Variants in RUFY1 observed in about 807,000 individuals in gnomAD.
RUFY1 encodes RUN and FYVE domain-containing protein 1.
A neutral mutation model predicts 94.6 loss-of-function variants in RUFY1; 54 were observed. The observed-to-expected ratio is 0.57, with a 90% CI of 0.46 to 0.72. The LOEUF (loss-of-function observed/expected upper bound fraction) is 0.72. RUFY1 is among the 30% of genes least tolerant of loss of function. The pLI, the probability that RUFY1 is intolerant of heterozygous loss-of-function variation, is 0.00. For missense variants in RUFY1, 883 were observed against 883.9 expected (o/e 1.00, Z 0.01); for synonymous variants, 396 against 347.3 (o/e 1.14, Z -1.56).
intron 14 of RUFY1, among the ~76,000 whole-genome samples, 188 bp from the exon 15 acceptor site, chr5:179,601,704 A>C (rs1438341415): frequency 6.6e-6 from 1 of 150,422 alleles, no homozygotes; most frequent in Non-Finnish European, 1.5e-5. Context: ...CTGTAGTCCC[A>C]GCTACTTGGG....
intron 15 of RUFY1, chr5:179,602,192 C>T: frequency 1.8e-6 from 1 of 562,234 alleles, no homozygotes; most frequent in Non-Finnish European, 3.2e-6. Context: ...TGTCAGCGAG[C>T]TCTTAGTTAA....
chr5:179,576,729 A>G (rs1297849238), intron 5 of RUFY1, among the ~76,000 whole-genome samples: 1 of 152,146 alleles, frequency 6.6e-6, no homozygotes, highest in Non-Finnish European at 1.5e-5. Context: ...CCAGGTCACC[A>G]CTTTAGAGAT....
intron 1 of RUFY1, among the ~76,000 whole-genome samples, chr5:179,551,136 C>T (rs1388105789): frequency 6.6e-6 from 1 of 152,222 alleles, no homozygotes; most frequent in Admixed American, 6.5e-5. Flanking sequence ...AGGTGAAGGA[C>T]GTGTGCGCGT....
intron 2 of RUFY1, among the ~76,000 whole-genome samples, chr5:179,561,576 G>GA (rs1012502755): frequency 3.7e-5 from 5 of 136,946 alleles, no homozygotes; most frequent in African/African-American, 8.2e-5. Context: ...ATGAGGATCT[G>GA]AAAAAAACAA....
At chr5:179,605,955 T>C (rs1180432861) in intron 16 of RUFY1, 31 bp downstream of exon 16, 5 of 1,475,522 alleles carry the variant, frequency 3.4e-6, no homozygotes, top group Middle Eastern at 1.7e-4. Flanking sequence ...ACTTCTTTGC[T>C]GTCAGCTTGT....
intron 1 of RUFY1, among the ~76,000 whole-genome samples, chr5:179,553,991 C>T (rs1308633929): frequency 6.6e-6 from 1 of 152,028 alleles, no homozygotes; most frequent in Non-Finnish European, 1.5e-5. Context: ...AAGGGCGGCT[C>T]GCTCTGCAGC....
At chr5:179,608,703 G>A (rs1767370424) in intron 17 of RUFY1, 1 of 858,402 alleles carries the variant, frequency 1.2e-6, no homozygotes, top group Non-Finnish European at 1.4e-6. Context: ...TGAGGTGGGT[G>A]GATCACGAGG....
intron 1 of RUFY1, among the ~76,000 whole-genome samples, chr5:179,557,999 T>G (rs1762191181): frequency 2.0e-5 from 3 of 152,170 alleles, no homozygotes; most frequent in Admixed American, 2.0e-4. Context: ...CCTGTGAAAC[T>G]TGAAAATCTG....
intron 3 of RUFY1, among the ~76,000 whole-genome samples, chr5:179,563,979 C>G (rs936797404): frequency 6.6e-6 from 1 of 151,604 alleles, no homozygotes; most frequent in Non-Finnish European, 1.5e-5. Context: ...GCCTTAATGA[C>G]CTTTTTCATG....
intron 10 of RUFY1, among the ~76,000 whole-genome samples, chr5:179,592,191 C>T (rs911703475): frequency 3.3e-5 from 5 of 151,136 alleles, no homozygotes; most frequent in Admixed American, 3.3e-4. Context: ...GTGATCTCGG[C>T]TCACTGCAAC....
intron 5 of RUFY1, among the ~76,000 whole-genome samples, chr5:179,574,279 C>T (rs1047061884): frequency 6.6e-5 from 10 of 152,142 alleles, no homozygotes; most frequent in Admixed American, 1.3e-4. Flanking sequence ...CCTGTAATCC[C>T]GGTTACCCAG....
chr5:179,578,967 G>C lies in RUFY1; in HGVS notation c.890+1831G>C, dbSNP rs797010672. On this transcript the variant is annotated intron_variant, in intron 6 of 17. Coordinates refer to ENST00000319449, the MANE Select transcript of RUFY1 (RefSeq NM_025158.5). ...CCCCATTTATGTTATAATAAAAAAGGATATGCATACATATGTTTTACTTTC... is the reference window on the plus strand; with the variant it reads ...CCCCATTTATGTTATAATAAAAAAGCATATGCATACATATGTTTTACTTTC... Among the ~76,000 whole-genome samples the C allele has an allele frequency of 4.6e-4, 70 of 152,298 alleles. 1 individual carries two copies. Among genetic ancestry groups the C allele is most frequent in the African/African-American group, 1.7e-3 (69 of 41,570 alleles).
intron 2 of RUFY1, 76 bp from the exon 3 acceptor site, chr5:179,562,471 G>A (rs192390258): frequency 0.014 from 10,961 of 794,850 alleles, 97 homozygotes; most frequent in Non-Finnish European, 0.017. Flanking sequence ...CTTGGCTTTT[G>A]TGGGGAGAGG....
intron 16 of RUFY1, chr5:179,607,113 C>A (rs13159685): frequency 0.078 from 13,952 of 177,984 alleles, 605 homozygotes; most frequent in Middle Eastern, 0.11. Context: ...GCCCGCTGTC[C>A]ATCACCTTCT....
At chr5:179,593,777 AT>A (rs1266845485) in intron 11 of RUFY1, 132 bp downstream of exon 11, 4 of 1,381,082 alleles carry the variant, frequency 2.9e-6, no homozygotes, top group Middle Eastern at 2.4e-4. Flanking sequence ...CCTAGGACCT[AT>A]TATGATTTTG....
At chr5:179,598,926 G>T (rs1562094038) in intron 14 of RUFY1, 105 bp downstream of exon 14, 1 of 1,337,868 alleles carries the variant, frequency 7.5e-7, no homozygotes, top group Non-Finnish European at 1.0e-6. Flanking sequence ...TGGGGGCCAG[G>T]CGGCTCCAGG....
At chr5:179,597,488 G>A (rs1415548132) in intron 13 of RUFY1, among the ~76,000 whole-genome samples, 2 of 151,928 alleles carry the variant, frequency 1.3e-5, no homozygotes, top group African/African-American at 4.8e-5. Flanking sequence ...CTCCCATCTC[G>A]GCCTCCCAAA....
intron 1 of RUFY1, chr5:179,555,639 T>C: frequency 7.7e-6 from 3 of 391,656 alleles, no homozygotes; most frequent in Non-Finnish European, 9.9e-6. Context: ...TTTTTTTTTT[T>C]TTTTTTTGAG....
chr5:179,586,150 G>T (rs1000570674), intron 8 of RUFY1, among the ~76,000 whole-genome samples: 1 of 152,158 alleles, frequency 6.6e-6, no homozygotes, highest in Non-Finnish European at 1.5e-5. Flanking sequence ...AGCTTGTGTT[G>T]TGGAAGTGCC....
Sources: allele counts gnomAD v4.1 joint callset (sites outside exome capture counted in the v4.1 genomes callset), GRCh38; gene constraint gnomAD v4.1.1; transcripts MANE v1.5; gene names NCBI Gene and HGNC (gene_info 2026-07-23, HGNC 2026-07-21).